Variants in HELZ observed in about 807,000 individuals in gnomAD.
HELZ encodes ATP-dependent RNA helicase with zinc finger domain.
In HELZ, 23 loss-of-function variants were observed where a neutral mutation model predicts 218.2. That is an observed-to-expected ratio of 0.11 (90% confidence interval 0.08 to 0.15). HELZ has a LOEUF of 0.15. Ranked by LOEUF, HELZ falls within the 10% of genes least tolerant of loss-of-function variation. The pLI, the probability that HELZ is intolerant of heterozygous loss-of-function variation, is 1.00. For missense variants in HELZ, 1,813 were observed against 2,353.7 expected, an observed-to-expected ratio of 0.77 and a Z score of 4.75; for synonymous variants, 814 against 829.4, an observed-to-expected ratio of 0.98 and a Z score of 0.32.
chr17:67,212,992 A>G (rs947779748), intron 5 of HELZ, among the ~76,000 whole-genome samples: 6 of 152,242 alleles, frequency 3.9e-5, no homozygotes. Context: ...TAGTGATTCA[A>G]AAGTTGTGAA....
intron 24 of HELZ, among the ~76,000 whole-genome samples, chr17:67,127,485 A>G (rs1363630704): frequency 6.6e-6 from 1 of 152,252 alleles, no homozygotes; most frequent in Non-Finnish European, 1.5e-5. Context: ...AATAGTTCTC[A>G]GCTGAATACC....
intron 6 of HELZ, 98 bp from the exon 7 acceptor site, chr17:67,201,283 T>C: frequency 1.3e-6 from 1 of 765,026 alleles, no homozygotes. Context: ...AGTTTATTTG[T>C]AAAAAACAAT....
At chr17:67,137,436 T>G (rs8078989) in intron 22 of HELZ, among the ~76,000 whole-genome samples, 29,940 of 152,128 alleles carry the variant, frequency 0.2, 3,063 homozygotes, top group African/African-American at 0.26. Flanking sequence ...CTGCTGGATA[T>G]TACCATAAAA....
rs1208164038 is a variant in HELZ at position 67,074,485 on chromosome 17, T to C, written c.*3767A>G. On this transcript the variant is annotated 3_prime_UTR_variant, in exon 33 of 33. Transcript: ENST00000358691. ...TGAAATACTAAAATTTATCTTGAAA[T>C]TGTTCTTCACACCCTGACTCTTAAC... The C allele has an allele frequency of 6.6e-6, 1 of 152,154 alleles. No individual in the cohort carries two copies. The highest frequency in any genetic ancestry group is 1.5e-5 in the Non-Finnish European group (1 of 67,986). 9.4% of individuals were successfully genotyped at this position (152,154 alleles called of 1,614,324 possible).
chr17:67,145,756 T>G lies in HELZ; in HGVS notation c.2756A>C (p.Tyr919Ser). ...GAATTAAGGTACCTCTGCATTATTA[T>G]AAAAAGCTGTGCTATTTTTTTCTTG... ...DVQEKNSTAF[Y>S]NNAEVFEVVE... Residue 919 changes from tyrosine to serine, a missense_variant, in exon 21 of 33, where the codon TAT becomes TCT. This residue lies in a region of HELZ where 156 missense variants were observed against 274.4 expected (regional missense o/e 0.57). Transcript: ENST00000358691. 1 of 1,609,196 alleles carries G rather than the reference T, an allele frequency of 6.2e-7. No individual in the cohort carries two copies. Among genetic ancestry groups the G allele is most frequent in the Non-Finnish European group, 8.5e-7 (1 of 1,176,442 alleles).
intron 7 of HELZ, among the ~76,000 whole-genome samples, chr17:67,200,221 A>G (rs2143086480): frequency 6.6e-6 from 1 of 152,308 alleles, no homozygotes; most frequent in South Asian, 2.1e-4. Flanking sequence ...CTAAAAATAA[A>G]AATACTTTTA....
chr17:67,120,330 A>T, intron 27 of HELZ, 75 bp downstream of exon 27: 1 of 1,216,360 alleles, frequency 8.2e-7, no homozygotes, highest in Non-Finnish European at 1.2e-6. Context: ...TCATACTGTT[A>T]AAGGAACTTT....
At chr17:67,122,922 A>C (rs2037661157) in intron 26 of HELZ, 48 bp downstream of exon 26, 1 of 1,386,174 alleles carries the variant, frequency 7.2e-7, no homozygotes, top group Non-Finnish European at 1.0e-6. Flanking sequence ...ATTTTAGTGA[A>C]ACCTATTTTA....
rs1044692857 is a variant in HELZ at position 67,123,829 on chromosome 17, G to C, written c.3439+134C>G. The C allele has an allele frequency of 1.5e-4, 107 of 709,694 alleles. No individual in the cohort carries two copies. The South Asian group carries it at 1.5e-3, about 10-fold the overall frequency. The allele number at this position is 709,694 out of a possible 1,614,324, so 44.0% of individuals were successfully genotyped here. A position where few individuals can be genotyped will look rare whatever the true frequency, so the allele number is the denominator to read the frequency against. ...TTCCAAAGTGACTGTGTGTGTGTGT[G>C]TGTGTGTGTGTGTGTGTCAGAGAGA... On this transcript the variant is annotated intron_variant, in intron 25 of 32. Coordinates refer to ENST00000358691, the MANE Select transcript of HELZ (RefSeq NM_014877.4).
chr17:67,166,335 GTTC>G (rs1295054594), intron 15 of HELZ, 140 bp downstream of exon 15: 211 of 567,376 alleles, frequency 3.7e-4, no homozygotes, highest in Middle Eastern at 2.9e-3. Context: ...CATTTTAAGT[GTTC>G]TTTTACTCTC....
chr17:67,106,257 A>C (rs2037095928), intron 31 of HELZ, among the ~76,000 whole-genome samples: 1 of 143,914 alleles, frequency 6.9e-6, no homozygotes, highest in Non-Finnish European at 1.5e-5. Context: ...TTTCATAGGA[A>C]AAAAAAGTCC....
chr17:67,118,097 C>G (rs992449187), intron 27 of HELZ, among the ~76,000 whole-genome samples: 1 of 152,092 alleles, frequency 6.6e-6, no homozygotes, highest in Non-Finnish European at 1.5e-5. Context: ...AAAAGAACAA[C>G]GTTGGAGGAC....
chr17:67,192,281 G>A (rs538406570), intron 9 of HELZ, among the ~76,000 whole-genome samples: 67 of 152,128 alleles, frequency 4.4e-4, no homozygotes, highest in Non-Finnish European at 6.3e-4. Flanking sequence ...TTATATTACA[G>A]ACCATTTTTC....
chr17:67,127,504 T>TA (rs1425257069), intron 24 of HELZ, among the ~76,000 whole-genome samples: 1 of 152,214 alleles, frequency 6.6e-6, no homozygotes, highest in Admixed American at 6.5e-5. Context: ...CCTATTTAGC[T>TA]AAAAGATTTT....
Position 67,205,046 on chromosome 17 carries a change from G to A in HELZ, c.248-1603C>T, listed in dbSNP as rs373203348. 3.2e-4 allele frequency among the ~76,000 whole-genome samples: 49 copies of A among 152,116 alleles called. 1 individual carries two copies. In the East Asian group the frequency reaches 6.6e-3, roughly 20 times the overall value. Reference sequence around the variant, plus strand: ...GAAACAATACAAGTAAAATGCTCTCGCCAGGCATGGTGGCTCATGCCTGTA... The same window carrying A: ...GAAACAATACAAGTAAAATGCTCTCACCAGGCATGGTGGCTCATGCCTGTA... On this transcript the variant is annotated intron_variant, in intron 5 of 32. Transcript: ENST00000358691.
At position 67,194,035 on chromosome 17, in the gene HELZ, A is replaced by G. The variant is rs768412226; in HGVS notation, c.489T>C (p.Cys163=). 4 of 1,610,646 alleles carry G rather than the reference A, an allele frequency of 2.5e-6. No homozygotes were observed. The highest frequency in any genetic ancestry group is 1.3e-5 in the African/African-American group (1 of 74,828). The change falls in exon 9 of 33, where the codon TGT becomes TGC. Residue 163 remains cysteine, a synonymous_variant. Coordinates refer to ENST00000358691, the MANE Select transcript of HELZ (RefSeq NM_014877.4). ...GTGGTGGGCGGAAATGCCAACCATT[A>G]CAAGACCCTAGGGAGTAATTAGGAT... ...YHVEDLDEGS[C]NGWHFRPPPR... is the part of the protein sequence containing the mutation.
intron 16 of HELZ, 50 bp from the exon 17 acceptor site, chr17:67,160,412 T>C: frequency 7.6e-7 from 1 of 1,308,826 alleles, no homozygotes; most frequent in Non-Finnish European, 1.1e-6. Context: ...CACAAAACTA[T>C]TCAAGCAGTA....
At chr17:67,173,047 T>C (rs1039797991) in intron 13 of HELZ, 1 of 983,222 alleles carries the variant, frequency 1.0e-6, no homozygotes, top group African/African-American at 1.7e-5. Context: ...TGGTTGTGTC[T>C]TGCAACAAAA....
At chr17:67,163,401 T>C (rs535305071) in intron 15 of HELZ, among the ~76,000 whole-genome samples, 1 of 1,186 alleles carries the variant, frequency 8.4e-4, no homozygotes, top group African/African-American at 2.2e-3. Flanking sequence ...CCCAACTTAG[T>C]ATCTTTTTCT....
Sources: allele counts gnomAD v4.1 joint callset (sites outside exome capture counted in the v4.1 genomes callset), GRCh38; gene constraint gnomAD v4.1.1; regional missense constraint gnomAD v4.1.1; transcripts MANE v1.5; gene names NCBI Gene and HGNC (gene_info 2026-07-23, HGNC 2026-07-21).